PLCB1: variants seen among roughly 807,000 people sequenced by gnomAD.
PLCB1 encodes phospholipase C beta 1.
A neutral mutation model predicts 161.8 loss-of-function variants in PLCB1; 46 were observed. That is an observed-to-expected ratio of 0.28 (90% CI 0.22 to 0.36). The LOEUF (loss-of-function observed/expected upper bound fraction) is 0.36. Ranked by LOEUF, PLCB1 falls within the 10% of genes least tolerant of loss-of-function variation. PLCB1 has a pLI of 1.00. For missense variants in PLCB1, 1,016 were observed against 1,472.5 expected (o/e 0.69, Z 5.07); for synonymous variants, 517 against 503.7 (o/e 1.03, Z -0.35).
chr20:8,706,330 T>C (rs6077411), intron 11 of PLCB1, among the ~76,000 whole-genome samples: 138,844 of 152,276 alleles, frequency 0.91, 63,464 homozygotes, highest in East Asian at 1. Flanking sequence ...TAGACAGAAT[T>C]CTCCCAAAGG....
intron 10 of PLCB1, 85 bp downstream of exon 10, chr20:8,685,163 T>A (rs1412342083): frequency 1.6e-5 from 21 of 1,324,986 alleles, no homozygotes; most frequent in Non-Finnish European, 1.9e-5. Flanking sequence ...GAAGCTGAAG[T>A]GTGTTTTCTT....
intron 3 of PLCB1, among the ~76,000 whole-genome samples, chr20:8,374,884 A>G (rs1987024357): frequency 6.6e-6 from 1 of 152,138 alleles, no homozygotes; most frequent in Non-Finnish European, 1.5e-5. Flanking sequence ...CTCTATATTC[A>G]TATTATTTTT....
intron 2 of PLCB1, among the ~76,000 whole-genome samples, chr20:8,219,094 A>G (rs1372047858): frequency 2.0e-5 from 3 of 152,156 alleles, no homozygotes; most frequent in South Asian, 4.1e-4. Context: ...TTGAATCCCA[A>G]TGTAATGCAC....
chr20:8,179,464 C>A (rs2051815996), intron 2 of PLCB1, among the ~76,000 whole-genome samples: 1 of 152,046 alleles, frequency 6.6e-6, no homozygotes, highest in South Asian at 2.1e-4. Context: ...AGAAATGCTA[C>A]CGAATTTCAT....
At chr20:8,469,121 G>A (rs1004817174) in intron 3 of PLCB1, among the ~76,000 whole-genome samples, 1 of 152,144 alleles carries the variant, frequency 6.6e-6, no homozygotes, top group African/African-American at 2.4e-5. Context: ...GAAAGCGTAA[G>A]CATCAGACCT....
chr20:8,531,661 C>T (rs1173992665), intron 3 of PLCB1, among the ~76,000 whole-genome samples: 1 of 151,990 alleles, frequency 6.6e-6, no homozygotes, highest in Non-Finnish European at 1.5e-5. Context: ...CCTCTGTATA[C>T]ATTTGAAAAA....
At chr20:8,251,967 G>A (rs1280801083) in intron 2 of PLCB1, among the ~76,000 whole-genome samples, 3 of 151,910 alleles carry the variant, frequency 2.0e-5, no homozygotes, top group Non-Finnish European at 4.4e-5. Context: ...CCCTCTGCAA[G>A]CTCTTTGAAA....
At chr20:8,438,094 CTA>C (rs1445831732) in intron 3 of PLCB1, among the ~76,000 whole-genome samples, 5 of 151,812 alleles carry the variant, frequency 3.3e-5, no homozygotes, top group Admixed American at 2.0e-4. Flanking sequence ...TTTGTGTGTT[CTA>C]TCTTATATAT....
intron 9 of PLCB1, among the ~76,000 whole-genome samples, chr20:8,682,448 C>T (rs1353419454): frequency 1.3e-5 from 2 of 152,116 alleles, no homozygotes; most frequent in Admixed American, 6.6e-5. Flanking sequence ...TTTTCTTTTG[C>T]GAAACAGCTC....
intron 2 of PLCB1, among the ~76,000 whole-genome samples, chr20:8,363,506 C>T (rs1986608870): frequency 6.6e-6 from 1 of 152,146 alleles, no homozygotes; most frequent in African/African-American, 2.4e-5. Context: ...TTTTGAATGG[C>T]CTACCCAAGA....
At chr20:8,252,098 G>C (rs552682369) in intron 2 of PLCB1, among the ~76,000 whole-genome samples, 55 of 152,014 alleles carry the variant, frequency 3.6e-4, no homozygotes, top group African/African-American at 1.3e-3. Flanking sequence ...AGTGAGGTTA[G>C]AGTGGTACAT....
At chr20:8,553,816 C>A (rs547759247) in intron 3 of PLCB1, among the ~76,000 whole-genome samples, 1 of 151,830 alleles carries the variant, frequency 6.6e-6, no homozygotes. Flanking sequence ...TCCTAGCCAA[C>A]GTGGTGAAAC....
At chr20:8,521,077 T>C (rs1378125332) in intron 3 of PLCB1, among the ~76,000 whole-genome samples, 4 of 152,144 alleles carry the variant, frequency 2.6e-5, no homozygotes, top group Non-Finnish European at 5.9e-5. Flanking sequence ...CCAAGTACTC[T>C]TGAGGTGCAA....
At chr20:8,614,544 C>T (rs1294573037) in intron 3 of PLCB1, among the ~76,000 whole-genome samples, 2 of 151,048 alleles carry the variant, frequency 1.3e-5, no homozygotes, top group Non-Finnish European at 2.9e-5. Context: ...AGTCAAGTTA[C>T]AAATAAATAT....
chr20:8,533,108 G>A (rs1043835851), intron 3 of PLCB1, among the ~76,000 whole-genome samples: 17 of 149,782 alleles, frequency 1.1e-4, no homozygotes, highest in African/African-American at 3.2e-4. Flanking sequence ...GTGAGAACAT[G>A]CGGTGTTTGG....
At position 8,451,323 on chromosome 20, in the gene PLCB1, C is replaced by T. The variant is rs560879741; in HGVS notation, c.246+79873C>T. Reference sequence around the variant, plus strand: ...TAAATAGATTTATTTTTGACTCATCCTGTGAATCCTTTTCAGATTGCCTTC... The same window carrying T: ...TAAATAGATTTATTTTTGACTCATCTTGTGAATCCTTTTCAGATTGCCTTC... On this transcript the variant is annotated intron_variant, in intron 3 of 31. Transcript: ENST00000338037. Among the ~76,000 whole-genome samples the T allele has an allele frequency of 2.6e-5, 4 of 152,216 alleles. 1 individual carries two copies. In the South Asian group the frequency reaches 8.3e-4, roughly 32 times the overall value.
intron 27 of PLCB1, among the ~76,000 whole-genome samples, chr20:8,777,836 G>A (rs765322167): frequency 3.9e-5 from 6 of 152,032 alleles, no homozygotes; most frequent in Non-Finnish European, 7.4e-5. Context: ...AAACTTCACC[G>A]TGACTGGGGA....
At chr20:8,348,522 G>T (rs1214780581) in intron 2 of PLCB1, among the ~76,000 whole-genome samples, 1 of 152,176 alleles carries the variant, frequency 6.6e-6, no homozygotes, top group Non-Finnish European at 1.5e-5. Flanking sequence ...TATGAATTGT[G>T]TTGGAGCAGC....
intron 3 of PLCB1, among the ~76,000 whole-genome samples, chr20:8,581,836 C>T (rs1986843213): frequency 6.6e-6 from 1 of 152,176 alleles, no homozygotes; most frequent in South Asian, 2.1e-4. Flanking sequence ...ATCTCAACTA[C>T]CATTCAGTTG....
Sources: gnomAD v4.1 joint callset for allele counts (sites outside exome capture counted in the v4.1 genomes callset) on GRCh38, gnomAD v4.1.1 for gene constraint, MANE v1.5 for transcripts, NCBI Gene and HGNC (gene_info 2026-07-23, HGNC 2026-07-21) for gene names.